The following CTNNA2 variants were observed in gnomAD, a reference collection of about 807,000 sequenced individuals.
The protein encoded by CTNNA2 is catenin alpha-2.
Under a neutral mutation model 101.0 loss-of-function variants are expected in CTNNA2, and 42 were observed. The ratio of observed to expected loss-of-function variants is 0.42; its 90% confidence interval spans 0.32 to 0.54. The LOEUF (loss-of-function observed/expected upper bound fraction) is 0.54. Among genes scored for constraint, CTNNA2 ranks in the 20% least tolerant of loss-of-function variants. CTNNA2 has a pLI of 0.14. For missense variants in CTNNA2, 871 were observed against 1,223.1 expected, an observed-to-expected ratio of 0.71 and a Z score of 4.29; for synonymous variants, 450 against 456.4, an observed-to-expected ratio of 0.99 and a Z score of 0.18.
At chr2:79,259,128 C>T (rs1396948099) in intron 2 of CTNNA2, among the ~76,000 whole-genome samples, 1 of 152,082 alleles carries the variant, frequency 6.6e-6, no homozygotes. Flanking sequence ...TCAGCTATAT[C>T]AGGGAGCCCA....
chr2:79,271,352 A>G (rs1401443245), intron 2 of CTNNA2, among the ~76,000 whole-genome samples: 2 of 152,020 alleles, frequency 1.3e-5, no homozygotes. Context: ...CACGTGGGTC[A>G]CTAAACCCAG....
At chr2:79,442,463 A>G (rs937390259) in intron 4 of CTNNA2, among the ~76,000 whole-genome samples, 2 of 152,162 alleles carry the variant, frequency 1.3e-5, no homozygotes, top group African/African-American at 4.8e-5. Flanking sequence ...CTCATTTTTG[A>G]AATTTGGCAT....
Position 79,924,010 on chromosome 2 carries a change from A to G in CTNNA2, c.1056+14213A>G, listed in dbSNP as rs140068051. On this transcript the variant is annotated intron_variant, in intron 7 of 18. Coordinates refer to ENST00000402739, the MANE Select transcript of CTNNA2 (RefSeq NM_001282597.3). Reference sequence around the variant, plus strand: ...ATCAGTATGTTGAAGGCATCTCTGCACTGCCATGTTTATTGCAGCATTATT... The same window carrying G: ...ATCAGTATGTTGAAGGCATCTCTGCGCTGCCATGTTTATTGCAGCATTATT... 3.9e-3 allele frequency among the ~76,000 whole-genome samples: 598 copies of G among 152,288 alleles called. 1 individual carries two copies. Among genetic ancestry groups the G allele is most frequent in the Non-Finnish European group, 5.8e-3 (392 of 67,994 alleles).
At chr2:79,447,276 C>T (rs1423718491) in intron 4 of CTNNA2, among the ~76,000 whole-genome samples, 1 of 151,940 alleles carries the variant, frequency 6.6e-6, no homozygotes, top group African/African-American at 2.4e-5. Flanking sequence ...CTGTTTCCTC[C>T]AAGCCATCTA....
intron 7 of CTNNA2, among the ~76,000 whole-genome samples, chr2:80,136,119 G>A (rs562325481): frequency 5.4e-4 from 82 of 152,252 alleles, no homozygotes; most frequent in African/African-American, 1.8e-3. Context: ...AGTAGTTGCA[G>A]CATTTAGATG....
At chr2:79,886,271 A>G (rs1027465896) in intron 6 of CTNNA2, among the ~76,000 whole-genome samples, 2 of 152,202 alleles carry the variant, frequency 1.3e-5, no homozygotes, top group Non-Finnish European at 2.9e-5. Flanking sequence ...TCTCAGGTAG[A>G]AAGATCATCA....
rs759133850 is a variant in CTNNA2 at position 80,303,223 on chromosome 2, A to G, written c.1057-89988A>G. On this transcript the variant is annotated intron_variant, in intron 7 of 18. Transcript: ENST00000402739. The surrounding 1 kb of genome is among the most constrained non-coding windows in gnomAD (Gnocchi z 7.7). ...AGCCGGCGAAAGAGTTGCGCGCCAG[A>G]CTCTTGAGCTGATTGTATCCGATGT... 1.9e-6 allele frequency: 3 copies of G among 1,613,180 alleles called. No individual in the cohort carries two copies. Among genetic ancestry groups the G allele is most frequent in the Non-Finnish European group, 2.5e-6 (3 of 1,179,850 alleles).
At chr2:80,001,952 TTAAA>T (rs1692978359) in intron 7 of CTNNA2, among the ~76,000 whole-genome samples, 1 of 152,254 alleles carries the variant, frequency 6.6e-6, no homozygotes, top group South Asian at 2.1e-4. Context: ...TTCTGCTATA[TTAAA>T]TAACTCAGAA....
At chr2:79,937,806 C>A (rs1448254151) in intron 7 of CTNNA2, among the ~76,000 whole-genome samples, 1 of 152,174 alleles carries the variant, frequency 6.6e-6, no homozygotes, top group Non-Finnish European at 1.5e-5. Flanking sequence ...GACTACATTT[C>A]TTTCTAAGTA....
At chr2:79,769,538 T>G (rs1249382402) in intron 3 of CTNNA2, among the ~76,000 whole-genome samples, 1 of 152,224 alleles carries the variant, frequency 6.6e-6, no homozygotes, top group Non-Finnish European at 1.5e-5. Flanking sequence ...CCTTTCATAA[T>G]CCTTCCTAAT....
intron 1 of CTNNA2, among the ~76,000 whole-genome samples, chr2:79,188,743 A>C (rs1016338323): frequency 6.6e-6 from 1 of 152,190 alleles, no homozygotes; most frequent in African/African-American, 2.4e-5. Context: ...AAAAAGCACA[A>C]ATATGAGGAT....
chr2:79,842,114 A>G (rs1425911761), intron 3 of CTNNA2, among the ~76,000 whole-genome samples: 1 of 152,218 alleles, frequency 6.6e-6, no homozygotes, highest in Non-Finnish European at 1.5e-5. Context: ...TTAGTTTTCA[A>G]AAATAAAGCC....
rs765376679 is a variant in CTNNA2 at position 80,303,783 on chromosome 2, G to GC, written c.1057-89426dup. 6.4e-7 allele frequency: 1 copy of GC among 1,558,426 alleles called. No individual in the cohort carries two copies. The highest frequency in any genetic ancestry group is 8.7e-7 in the Non-Finnish European group (1 of 1,153,770). On this transcript the variant is annotated intron_variant, in intron 7 of 18. Coordinates refer to ENST00000402739, the MANE Select transcript of CTNNA2 (RefSeq NM_001282597.3). This position sits in a 1 kb window ranked among gnomAD's most constrained non-coding sequence, Gnocchi z 7.7. ...ACCACCCCCGAGGGCCTCCTCAGCA[G>GC]CCAGTATAGACAGAGACCGAGCAGC...
intron 9 of CTNNA2, among the ~76,000 whole-genome samples, chr2:80,493,023 G>T (rs866662694): frequency 6.6e-6 from 1 of 152,170 alleles, no homozygotes; most frequent in Non-Finnish European, 1.5e-5. Context: ...CAGTGGAATG[G>T]TACATAGCAG....
At chr2:79,654,542 CCTT>C (rs1681476560) in intron 2 of CTNNA2, among the ~76,000 whole-genome samples, 1 of 152,178 alleles carries the variant, frequency 6.6e-6, no homozygotes, top group Non-Finnish European at 1.5e-5. Context: ...TAACTCTACT[CCTT>C]CTCTCTTATG....
chr2:80,332,269 C>T (rs1671403932), intron 7 of CTNNA2, among the ~76,000 whole-genome samples: 1 of 152,154 alleles, frequency 6.6e-6, no homozygotes, highest in Non-Finnish European at 1.5e-5. Context: ...TATATTAAGT[C>T]CTGTGCACAT....
At chr2:80,081,245 T>G (rs1299643085) in intron 7 of CTNNA2, among the ~76,000 whole-genome samples, 1 of 152,170 alleles carries the variant, frequency 6.6e-6, no homozygotes, top group Admixed American at 6.5e-5. Flanking sequence ...TGTTTTCGCT[T>G]AGAGATGCTC....
Position 80,183,852 on chromosome 2 carries a change from C to T in CTNNA2, c.1057-209359C>T, listed in dbSNP as rs181240738. ...TCATGTTTGTTTTCGATTAACCTCGCGATTAAACGTAAGAAGAAGTGTGTG... is the reference window on the plus strand; with the variant it reads ...TCATGTTTGTTTTCGATTAACCTCGTGATTAAACGTAAGAAGAAGTGTGTG... On this transcript the variant is annotated intron_variant, in intron 7 of 18. Transcript: ENST00000402739. 7.0e-4 allele frequency among the ~76,000 whole-genome samples: 105 copies of T among 150,378 alleles called. 1 individual carries two copies. The highest frequency in any genetic ancestry group is 2.1e-3 in the African/African-American group (83 of 40,468).
intron 2 of CTNNA2, among the ~76,000 whole-genome samples, chr2:79,652,765 C>T (rs1230632887): frequency 1.3e-5 from 2 of 152,024 alleles, no homozygotes; most frequent in Non-Finnish European, 2.9e-5. Flanking sequence ...CATAGTTTGC[C>T]CTCTGGCTCC....
Sources: gnomAD v4.1 joint callset for allele counts (sites outside exome capture counted in the v4.1 genomes callset) on GRCh38, gnomAD v4.1.1 for gene constraint, Gnocchi (gnomAD v3.1) non-coding constraint, MANE v1.5 for transcripts, NCBI Gene and HGNC (gene_info 2026-07-23, HGNC 2026-07-21) for gene names.